The following COL7A1 variants were observed in gnomAD, a reference collection of about 807,000 sequenced individuals.
COL7A1 encodes collagen alpha-1(VII) chain.
In COL7A1, 296 loss-of-function variants were observed where a neutral mutation model predicts 456.2. The observed-to-expected ratio is 0.65, with a 90% CI of 0.59 to 0.71. COL7A1 has a LOEUF of 0.71. COL7A1 is among the 30% of genes least tolerant of loss of function. The pLI is 0.00. For synonymous variants in COL7A1, 1,464 were observed against 1,525.9 expected (o/e 0.96, Z 0.95); for missense variants, 3,441 against 4,017.2 (o/e 0.86, Z 3.88).
rs747223076 is a variant in COL7A1, at chr3:48,567,856, A to G, written c.7911T>C (p.Asp2637=). 13 of 1,611,158 alleles carry G rather than the reference A, an allele frequency of 8.1e-6. No homozygotes were observed. Among genetic ancestry groups the G allele is most frequent in the South Asian group, 1.1e-5 (1 of 90,982 alleles). ...ERGVKGACGL[D]GEKGDKGEAG... is the part of the protein sequence containing the mutation. ...TCTGTACCTTGTCTCCCTTCTCTCC[A>G]TCAAGGCCACAGGCTCCCTTCACTC... Residue 2637 remains aspartate (D), a synonymous_variant, in exon 107 of 119, where the codon GAT becomes GAC. Coordinates refer to ENST00000681320, the MANE Select transcript of COL7A1 (RefSeq NM_000094.4). The surrounding 1 kb of genome is among the most constrained non-coding windows in gnomAD (Gnocchi z 4.3).
At position 48,564,806 on chromosome 3, in the gene COL7A1, C is replaced by T. The variant is rs960903498; in HGVS notation, c.8795G>A (p.Arg2932Gln). The T allele has an allele frequency of 5.6e-6, 9 of 1,613,936 alleles. No homozygotes were observed. In the Admixed American group the frequency reaches 8.3e-5, roughly 15 times the overall value. ...ACCTGTCCCCTGGCTCTGGACCACC[C>T]GGGGTGGGCAGCGGCGCTCGCAGGC... ...REACERRCPP[R>Q]VVQSQGTGTA... Residue 2932 changes from arginine to glutamine, a missense_variant, in exon 118 of 119, where the codon CGG (arginine) becomes CAG (glutamine). Coordinates refer to ENST00000681320, the MANE Select transcript of COL7A1 (RefSeq NM_000094.4). This position sits in a 1 kb window ranked among gnomAD's most constrained non-coding sequence, Gnocchi z 6.0.
Position 48,588,876 on chromosome 3 carries a change from T to C in COL7A1, c.2434A>G (p.Ser812Gly). 6.2e-7 allele frequency: 1 copy of C among 1,613,582 alleles called. No homozygotes were observed. Among genetic ancestry groups the C allele is most frequent in the East Asian group, 2.2e-5 (1 of 44,878 alleles). Reference sequence around the variant, plus strand: ...TGGCGTCAGGGAGCCATACCTTCACTCCGGCCCCAGGCCAGTCTGTAAGCT... The same window carrying C: ...TGGCGTCAGGGAGCCATACCTTCACCCCGGCCCCAGGCCAGTCTGTAAGCT... ...ATAYRLAWGR[S>G]EGGPMRHQIL... Residue 812 changes from serine to glycine, a missense_variant, in exon 19 of 119, where the codon AGT (serine) becomes GGT (glycine). By Grantham distance (56) the Ser-to-Gly change is moderately conservative. Around this residue, in one of 3 missense-constraint regions of COL7A1, gnomAD observed 444 missense variants for 427.6 expected, o/e 1.04. Coordinates refer to ENST00000681320, the MANE Select transcript of COL7A1 (RefSeq NM_000094.4). This position sits in a 1 kb window ranked among gnomAD's most constrained non-coding sequence, Gnocchi z 4.6.
rs774430763 is a variant in COL7A1 at position 48,593,084 on chromosome 3, G to A, written c.682+18C>T. Reference sequence around the variant, plus strand: ...TCCGGGGTCTAGGTCAGGGTACACCGTGTGGGCAGGAACTCACGAGGTCGG... The same window carrying A: ...TCCGGGGTCTAGGTCAGGGTACACCATGTGGGCAGGAACTCACGAGGTCGG... On this transcript the variant is annotated intron_variant, in intron 6 of 118. Coordinates refer to ENST00000681320, the MANE Select transcript of COL7A1 (RefSeq NM_000094.4). The surrounding 1 kb of genome is among the most constrained non-coding windows in gnomAD (Gnocchi z 4.4). 43 of 1,614,116 alleles carry A rather than the reference G, an allele frequency of 2.7e-5. No individual in the cohort carries two copies. Among genetic ancestry groups the A allele is most frequent in the Middle Eastern group, 3.3e-4 (2 of 6,060 alleles).
rs770370096 is a variant in COL7A1, at chr3:48,585,674, T to A, written c.3831+16A>T. The A allele has an allele frequency of 1.9e-6, 3 of 1,613,948 alleles. No individual in the cohort carries two copies. Among genetic ancestry groups the A allele is most frequent in the Non-Finnish European group, 2.5e-6 (3 of 1,179,964 alleles). ...AAGCCAGTCAGGGTGCAGGGACAGATGTGGGGGACACTCACCGGGAGGCCA... is the reference window on the plus strand; with the variant it reads ...AAGCCAGTCAGGGTGCAGGGACAGAAGTGGGGGACACTCACCGGGAGGCCA... On this transcript the variant is annotated intron_variant, in intron 31 of 118. Coordinates refer to ENST00000681320, the MANE Select transcript of COL7A1 (RefSeq NM_000094.4). This position sits in a 1 kb window ranked among gnomAD's most constrained non-coding sequence, Gnocchi z 4.5.
Position 48,581,943 on chromosome 3 carries a change from C to G in COL7A1, c.4636G>C (p.Gly1546Arg), listed in dbSNP as rs73831831. ...PGRPGDPAVV[G>R]PAVAGPKGEK... is the part of the protein sequence containing the mutation. Reference sequence around the variant, plus strand: ...CCTTTGGGTCCAGCAACAGCAGGTCCCTGAAAACAAACAGGACAGATACAG... The same window carrying G: ...CCTTTGGGTCCAGCAACAGCAGGTCGCTGAAAACAAACAGGACAGATACAG... The change falls in exon 48 of 119, where the codon GGA (glycine) becomes CGA (arginine). Residue 1546 changes from glycine (G) to arginine (R), a missense_variant and splice_region_variant. Gly to Arg is a moderately radical substitution (Grantham distance 125). This residue lies in a region of COL7A1 where 2,084 missense variants were observed against 2,501.3 expected (regional missense o/e 0.83). Coordinates refer to ENST00000681320, the MANE Select transcript of COL7A1 (RefSeq NM_000094.4). The surrounding 1 kb of genome is among the most constrained non-coding windows in gnomAD (Gnocchi z 5.8). 108 of 1,613,982 alleles carry G rather than the reference C, an allele frequency of 6.7e-5. No homozygotes were observed. The African/African-American group carries it at 1.4e-3, about 21-fold the overall frequency.
In COL7A1 at chr3:48,569,540, G is replaced by A. The variant is rs1403929975; in HGVS notation, c.7614+52C>T. 6 of 1,612,800 alleles carry A rather than the reference G, an allele frequency of 3.7e-6. No homozygotes were observed. Among genetic ancestry groups the A allele is most frequent in the Middle Eastern group, 3.3e-4 (2 of 6,006 alleles). On this transcript the variant is annotated intron_variant, in intron 102 of 118. Transcript: ENST00000681320. The surrounding 1 kb of genome is among the most constrained non-coding windows in gnomAD (Gnocchi z 4.9). ...CTCAGATGCCCTGGGCCAGCCCCACGGGGTCCCTCTCGCACCCAGGGGAGA... is the reference window on the plus strand; with the variant it reads ...CTCAGATGCCCTGGGCCAGCCCCACAGGGTCCCTCTCGCACCCAGGGGAGA...
At chr3:48,576,136 C>A in intron 71 of COL7A1, 113 bp downstream of exon 71, 1 of 1,534,464 alleles carries the variant, frequency 6.5e-7, no homozygotes, top group East Asian at 2.3e-5. Context: ...GGGCAGGGCA[C>A]TGAACACACA....
Position 48,573,045 on chromosome 3 carries a change from C to T in COL7A1, c.6726G>A (p.Gly2242=). 1.2e-6 allele frequency: 2 copies of T among 1,614,150 alleles called. No individual in the cohort carries two copies. ...CCACTTGTCCAGGCAAACCTGGAGA[C>T]CCCTGTGGACCCTGACGGAGAACAA... ...PGPSGLVGPQ[G]SPGLPGQVGE... is the part of the protein sequence containing the mutation. Residue 2242 remains glycine, a synonymous_variant, in exon 86 of 119, where the codon GGG becomes GGA. Coordinates refer to ENST00000681320, the MANE Select transcript of COL7A1 (RefSeq NM_000094.4). This position sits in a 1 kb window ranked among gnomAD's most constrained non-coding sequence, Gnocchi z 5.5.
Position 48,570,678 on chromosome 3 carries a change from G to A in COL7A1, c.7305C>T (p.Ile2435=). ...GTCCAGGTGGCCCCAGGGGTCCTGGGATTCCTTCTCTCCCTGGGGGGCCTG... is the reference window on the plus strand; with the variant it reads ...GTCCAGGTGGCCCCAGGGGTCCTGGAATTCCTTCTCTCCCTGGGGGGCCTG... ...GLAGPPGREG[I]PGPLGPPGPP... The change falls in exon 96 of 119, where the codon ATC becomes ATT. Residue 2435 remains isoleucine, a synonymous_variant. Transcript: ENST00000681320. The surrounding 1 kb of genome is among the most constrained non-coding windows in gnomAD (Gnocchi z 5.5). 1 of 1,589,870 alleles carries A rather than the reference G, an allele frequency of 6.3e-7. No individual in the cohort carries two copies. The highest frequency in any genetic ancestry group is 8.6e-7 in the Non-Finnish European group (1 of 1,167,160).
At position 48,591,979 on chromosome 3, in the gene COL7A1, G is replaced by A. The variant is rs2045736928; in HGVS notation, c.1276C>T (p.Leu426=). 6.2e-7 allele frequency: 1 copy of A among 1,614,224 alleles called. No homozygotes were observed. The highest frequency in any genetic ancestry group is 8.5e-7 in the Non-Finnish European group (1 of 1,180,036). The part of the protein sequence containing the change: ...SVEQTLRPVI[L]GPTSILLSWN... The stretch of plus-strand genomic sequence containing the variant: ...GAAAGGAGGATGGATGTGGGGCCCA[G>A]GATGACCGGGCGCAGGGTCTGCTCA... The change falls in exon 11 of 119, where the codon CTG becomes TTG. Residue 426 remains leucine, a synonymous_variant. Transcript: ENST00000681320. The surrounding 1 kb of genome is among the most constrained non-coding windows in gnomAD (Gnocchi z 7.0).
chr3:48,571,054 G>A lies in COL7A1; in HGVS notation c.7164+47C>T. On this transcript the variant is annotated intron_variant, in intron 94 of 118. Coordinates refer to ENST00000681320, the MANE Select transcript of COL7A1 (RefSeq NM_000094.4). The surrounding 1 kb of genome is among the most constrained non-coding windows in gnomAD (Gnocchi z 4.6). ...TCAGAACTCCCTCTTCCTCCTGTGG[G>A]GGCCCGGCCTGCTGCCCCTACAACT... is the stretch of plus-strand genomic sequence containing the variant. 6.2e-7 allele frequency: 1 copy of A among 1,612,732 alleles called. No individual in the cohort carries two copies. The highest frequency in any genetic ancestry group is 8.5e-7 in the Non-Finnish European group (1 of 1,178,992).
Position 48,581,314 on chromosome 3 carries a change from C to A in COL7A1, c.4845G>T (p.Lys1615Asn). The change falls in exon 52 of 119, where the codon AAG (lysine) becomes AAT (asparagine). Residue 1615 changes from lysine (K) to asparagine (N), a missense_variant. Around this residue, in one of 3 missense-constraint regions of COL7A1, gnomAD observed 2,084 missense variants for 2,501.3 expected, o/e 0.83. Transcript: ENST00000681320. The surrounding 1 kb of genome is among the most constrained non-coding windows in gnomAD (Gnocchi z 5.8). ...PPGDSGPPGEKGDPGRPGPPG... is the reference protein window; with the variant it reads ...PPGDSGPPGENGDPGRPGPPG... ...GGGGGCCAGGCCGCCCAGGGTCTCC[C>A]TTCTCTCCAGGAGGCCCTGAGTCAC... The A allele has an allele frequency of 1.2e-6, 2 of 1,613,578 alleles. No homozygotes were observed. Among genetic ancestry groups the A allele is most frequent in the Non-Finnish European group, 1.7e-6 (2 of 1,179,916 alleles).
chr3:48,564,258 C>A lies in COL7A1; in HGVS notation c.*148G>T. ...TTTGTCCACAGGGGGGAAGGCTAGACCCACGGGACCAAGTCACTGAAATAA... is the reference window on the plus strand; with the variant it reads ...TTTGTCCACAGGGGGGAAGGCTAGAACCACGGGACCAAGTCACTGAAATAA... On this transcript the variant is annotated 3_prime_UTR_variant, in exon 119 of 119. Coordinates refer to ENST00000681320, the MANE Select transcript of COL7A1 (RefSeq NM_000094.4). This position sits in a 1 kb window ranked among gnomAD's most constrained non-coding sequence, Gnocchi z 6.0. The A allele has an allele frequency of 1.0e-6, 1 of 984,286 alleles. No individual in the cohort carries two copies. The highest frequency in any genetic ancestry group is 1.6e-6 in the Non-Finnish European group (1 of 632,282). 61.0% of individuals were successfully genotyped at this position (984,286 alleles called of 1,614,324 possible).
rs111460426 is a variant in COL7A1 at position 48,575,077 on chromosome 3, G to A, written c.6266C>T (p.Pro2089Leu). 43 of 1,613,422 alleles carry A rather than the reference G, an allele frequency of 2.7e-5. No homozygotes were observed. In the African/African-American group the frequency reaches 2.8e-4, roughly 11 times the overall value. ...TGGGGTGATCACCTTGGGGCCAGGG[G>A]GTCCGGGGGGCCCAGGGGTTCCAGG... ...GLPGTPGPPG[P>L]PGPKVSVDEP... The change falls in exon 76 of 119, where the codon CCC becomes CTC. Residue 2089 changes from proline (P) to leucine (L), a missense_variant. This residue lies in a region of COL7A1 where 2,084 missense variants were observed against 2,501.3 expected (regional missense o/e 0.83). Coordinates refer to ENST00000681320, the MANE Select transcript of COL7A1 (RefSeq NM_000094.4). This position sits in a 1 kb window ranked among gnomAD's most constrained non-coding sequence, Gnocchi z 6.3.
At position 48,567,880 on chromosome 3, in the gene COL7A1, T is replaced by A. The variant is rs2107636574; in HGVS notation, c.7887A>T (p.Gly2629=). The change falls in exon 107 of 119, where the codon GGA becomes GGT. Residue 2629 remains glycine (G), a synonymous_variant. Coordinates refer to ENST00000681320, the MANE Select transcript of COL7A1 (RefSeq NM_000094.4). The surrounding 1 kb of genome is among the most constrained non-coding windows in gnomAD (Gnocchi z 4.3). The part of the protein sequence containing the change: ...MGPRGLKGER[G]VKGACGLDGE... ...CATCAAGGCCACAGGCTCCCTTCAC[T>A]CCCCGTTCACCCTGAGGGAGAAAAG... 2 of 1,612,776 alleles carry A rather than the reference T, an allele frequency of 1.2e-6. No individual in the cohort carries two copies. The highest frequency in any genetic ancestry group is 1.7e-5 in the Admixed American group (1 of 59,928).
Position 48,572,367 on chromosome 3 carries a change from G to A in COL7A1, c.6978+13C>T. 2 of 1,614,130 alleles carry A rather than the reference G, an allele frequency of 1.2e-6. No individual in the cohort carries two copies. Among genetic ancestry groups the A allele is most frequent in the Admixed American group, 1.7e-5 (1 of 60,032 alleles). On this transcript the variant is annotated intron_variant, in intron 90 of 118. Transcript: ENST00000681320. This position sits in a 1 kb window ranked among gnomAD's most constrained non-coding sequence, Gnocchi z 4.6. ...ACCCCCAGAACATCTGCTGTCAGAA[G>A]TTCCCTACTTACCGGCTCACCCACC...
At position 48,567,737 on chromosome 3, in the gene COL7A1, G is replaced by T; in HGVS notation, c.7956C>A (p.Pro2652=). ...DKGEAGPPGR[P]GLAGHKGEMG... The stretch of plus-strand genomic sequence containing the variant: ...TCTCTCCTTTGTGTCCTGCCAGCCC[G>T]GGGCGGCCTGGGGGACCAGCTTCTC... Residue 2652 remains proline (P), a synonymous_variant, in exon 108 of 119, where the codon CCC becomes CCA. Coordinates refer to ENST00000681320, the MANE Select transcript of COL7A1 (RefSeq NM_000094.4). This position sits in a 1 kb window ranked among gnomAD's most constrained non-coding sequence, Gnocchi z 4.3. The T allele has an allele frequency of 6.2e-7, 1 of 1,613,990 alleles. No homozygotes were observed. Among genetic ancestry groups the T allele is most frequent in the Non-Finnish European group, 8.5e-7 (1 of 1,180,000 alleles).
chr3:48,564,700 C>T lies in COL7A1; in HGVS notation c.8818+83G>A, dbSNP rs1280716607. The T allele has an allele frequency of 2.7e-6, 4 of 1,470,242 alleles. No individual in the cohort carries two copies. The highest frequency in any genetic ancestry group is 4.0e-5 in the Admixed American group (2 of 49,908). The allele number at this position is 1,470,242 out of a possible 1,614,324, so 91.1% of individuals were successfully genotyped here. The stretch of plus-strand genomic sequence containing the variant: ...TCTCCTCCAGGACCCTGACCTGGAA[C>T]CCTGGCCCAAGGACTCCTCCCCCAG... On this transcript the variant is annotated intron_variant, in intron 118 of 118. Transcript: ENST00000681320. The surrounding 1 kb of genome is among the most constrained non-coding windows in gnomAD (Gnocchi z 6.0).
At chr3:48,582,991 G>A in intron 44 of COL7A1, 22 bp downstream of exon 44, 1 of 1,614,048 alleles carries the variant, frequency 6.2e-7, no homozygotes. Flanking sequence ...GCTGGTATGA[G>A]CATTGCAGCC....
Sources: allele counts gnomAD v4.1 joint callset, GRCh38; gene constraint gnomAD v4.1.1; regional missense constraint gnomAD v4.1.1; non-coding constraint Gnocchi (gnomAD v3.1); transcripts MANE v1.5; gene names NCBI Gene and HGNC (gene_info 2026-07-23, HGNC 2026-07-21).